The following DTL variants were observed in gnomAD, a reference collection of about 807,000 sequenced individuals.
DTL encodes denticleless E3 ubiquitin protein ligase adapter, also known as denticleless protein homolog.
In DTL, 46 loss-of-function variants were observed where a neutral mutation model predicts 87.0. The ratio of observed to expected loss-of-function variants is 0.53; its 90% CI spans 0.42 to 0.68. The LOEUF (loss-of-function observed/expected upper bound fraction) is 0.68, where lower values mean the gene tolerates loss of function less well. Among genes scored for constraint, DTL ranks in the 30% least tolerant of loss-of-function variants. The pLI, the probability that DTL is intolerant of heterozygous loss-of-function variation, is 0.00. For synonymous variants in DTL, 308 were observed against 311.2 expected (o/e 0.99, Z 0.11); for missense variants, 737 against 869.4 (o/e 0.85, Z 1.91).
intron 12 of DTL, among the ~76,000 whole-genome samples, chr1:212,079,745 A>G (rs1654937177): frequency 6.6e-6 from 1 of 152,230 alleles, no homozygotes. Flanking sequence ...AAGAACTGTG[A>G]GATTCCAAAC....
chr1:212,049,422 G>A (rs1382238152), intron 5 of DTL, among the ~76,000 whole-genome samples: 2 of 152,164 alleles, frequency 1.3e-5, no homozygotes, highest in Admixed American at 6.5e-5. Flanking sequence ...ATAATTTTAA[G>A]ATAATGAAAA....
rs1051477769 is a variant in DTL, at chr1:212,069,548, A to T, written c.922+845A>T. Among the ~76,000 whole-genome samples, 9 of 144,598 alleles carry T rather than the reference A, an allele frequency of 6.2e-5. No homozygotes were observed. In the South Asian group the frequency reaches 6.6e-4, roughly 11 times the overall value. The allele number at this position is 144,598 out of a possible 152,430, so 94.9% of individuals were successfully genotyped here. ...TAGATAGATGTAGATATAGATATAAATTTTTTTTTTTTTTTGAGACGGAGT... is the reference window on the plus strand; with the variant it reads ...TAGATAGATGTAGATATAGATATAATTTTTTTTTTTTTTTTGAGACGGAGT... On this transcript the variant is annotated intron_variant, in intron 10 of 14. Transcript: ENST00000366991.
At chr1:212,059,622 GCACGCTTTTCAC>G (rs1402550843) in intron 5 of DTL, among the ~76,000 whole-genome samples, 2 of 151,890 alleles carry the variant, frequency 1.3e-5, no homozygotes, top group Admixed American at 1.3e-4. Flanking sequence ...AGACAAGGAC[GCACGCTTTTCAC>G]CACTCCTATT....
intron 5 of DTL, among the ~76,000 whole-genome samples, chr1:212,059,929 T>C (rs1045313411): frequency 3.1e-4 from 47 of 151,562 alleles, no homozygotes; most frequent in African/African-American, 9.7e-4. Flanking sequence ...CCATTTACAA[T>C]AGCTACAAAA....
At chr1:212,045,714 TGACGG>T (rs1349936656) in intron 3 of DTL, among the ~76,000 whole-genome samples, 1 of 152,168 alleles carries the variant, frequency 6.6e-6, no homozygotes, top group Non-Finnish European at 1.5e-5. Context: ...GCACTCCAGG[TGACGG>T]GAAAAGCATT....
intron 13 of DTL, among the ~76,000 whole-genome samples, chr1:212,093,496 C>T (rs571242285): frequency 1.2e-4 from 18 of 152,326 alleles, no homozygotes; most frequent in African/African-American, 4.1e-4. Context: ...TAGCTTTCCG[C>T]GGATGGGGGA....
chr1:212,081,209 AG>A (rs932102752), intron 13 of DTL, among the ~76,000 whole-genome samples: 6 of 152,134 alleles, frequency 3.9e-5, no homozygotes, highest in Non-Finnish European at 7.4e-5. Context: ...TTAGGTGACC[AG>A]GGGGGCCTCA....
At position 212,049,074 on chromosome 1, in the gene DTL, C is replaced by T. The variant is rs1289807626; in HGVS notation, c.460+1657C>T. ...AGTAACTGGGATTACAGGCGTGTAC[C>T]ACCACGCCCAGCTAATTTTTGTATT... On this transcript the variant is annotated intron_variant, in intron 5 of 14. Coordinates refer to ENST00000366991, the MANE Select transcript of DTL (RefSeq NM_016448.4). Among the ~76,000 whole-genome samples, 3 of 152,150 alleles carry T rather than the reference C, an allele frequency of 2.0e-5. No homozygotes were observed. The East Asian group carries it at 5.8e-4, about 29-fold the overall frequency.
chr1:212,055,285 A>G (rs1668135543), intron 5 of DTL, among the ~76,000 whole-genome samples: 1 of 152,118 alleles, frequency 6.6e-6, no homozygotes, highest in South Asian at 2.1e-4. Context: ...CCCACTGTGA[A>G]CCCTAATAAT....
chr1:212,072,798 C>T (rs1389588916), intron 11 of DTL, among the ~76,000 whole-genome samples: 2 of 135,330 alleles, frequency 1.5e-5, no homozygotes, highest in South Asian at 2.3e-4. Flanking sequence ...GAGTCTCACT[C>T]TGTCGCACAG....
chr1:212,068,833 A>C, intron 10 of DTL, 130 bp downstream of exon 10: 1 of 566,508 alleles, frequency 1.8e-6, no homozygotes, highest in South Asian at 2.6e-5. Flanking sequence ...ATCTTTGATT[A>C]CATCCAGTGA....
At chr1:212,074,078 A>G (rs1242253030) in intron 11 of DTL, among the ~76,000 whole-genome samples, 2 of 151,948 alleles carry the variant, frequency 1.3e-5, no homozygotes, top group Non-Finnish European at 1.5e-5. Context: ...CCAACATCAC[A>G]AAAAGCATAT....
intron 14 of DTL, among the ~76,000 whole-genome samples, chr1:212,101,360 A>G (rs1238884464): frequency 6.6e-6 from 1 of 152,128 alleles, no homozygotes; most frequent in Non-Finnish European, 1.5e-5. Context: ...TCCCATTAAA[A>G]TCCCTCCTGT....
intron 13 of DTL, among the ~76,000 whole-genome samples, chr1:212,085,088 T>G (rs1655090038): frequency 1.3e-5 from 2 of 152,234 alleles, no homozygotes; most frequent in Non-Finnish European, 2.9e-5. Context: ...AGTCTGCACA[T>G]GTTTAGTACA....
intron 13 of DTL, among the ~76,000 whole-genome samples, chr1:212,087,351 A>G (rs1029486369): frequency 7.2e-5 from 11 of 152,162 alleles, no homozygotes; most frequent in Non-Finnish European, 1.0e-4. Flanking sequence ...GATCGAGACC[A>G]TCCTGGCTAA....
chr1:212,103,677 A>C lies in DTL; in HGVS notation c.*737A>C, dbSNP rs1260909300. ...CAGGTCCCCATGTTTTCACCAAGCAATCTGCTATGTCAGCCAACCCAACAT... is the reference window on the plus strand; with the variant it reads ...CAGGTCCCCATGTTTTCACCAAGCACTCTGCTATGTCAGCCAACCCAACAT... On this transcript the variant is annotated 3_prime_UTR_variant, in exon 15 of 15. Coordinates refer to ENST00000366991, the MANE Select transcript of DTL (RefSeq NM_016448.4). 1 of 152,164 alleles carries C rather than the reference A, an allele frequency of 6.6e-6. No individual in the cohort carries two copies. The highest frequency in any genetic ancestry group is 2.4e-5 in the African/African-American group (1 of 41,446). The allele number at this position is 152,164 out of a possible 1,614,324, so 9.4% of individuals were successfully genotyped here.
At chr1:212,055,094 C>A (rs1179327401) in intron 5 of DTL, among the ~76,000 whole-genome samples, 2 of 152,040 alleles carry the variant, frequency 1.3e-5, no homozygotes, top group Non-Finnish European at 2.9e-5. Context: ...CGTAGATAAT[C>A]ACCCTTCAAA....
intron 11 of DTL, 91 bp from the exon 12 acceptor site, chr1:212,078,080 TAA>T (rs1654885108): frequency 1.4e-6 from 1 of 720,060 alleles, no homozygotes; most frequent in Non-Finnish European, 2.4e-6. Context: ...GTAACAATCC[TAA>T]AGCTCTCTAA....
intron 13 of DTL, among the ~76,000 whole-genome samples, chr1:212,088,230 C>T (rs1655185599): frequency 6.6e-6 from 1 of 152,124 alleles, no homozygotes; most frequent in African/African-American, 2.4e-5. Context: ...AGAAGGAAAC[C>T]CTACCTATTC....
Sources: allele counts gnomAD v4.1 joint callset (sites outside exome capture counted in the v4.1 genomes callset), GRCh38; gene constraint gnomAD v4.1.1; transcripts MANE v1.5; gene names NCBI Gene and HGNC (gene_info 2026-07-23, HGNC 2026-07-21).